JAZF1: variants seen among roughly 807,000 people sequenced by gnomAD.
The protein encoded by JAZF1 is JAZF zinc finger 1.
Under a neutral mutation model 26.4 loss-of-function variants are expected in JAZF1, and 8 were observed. The observed-to-expected ratio is 0.30, with a 90% confidence interval of 0.18 to 0.55. The LOEUF is 0.55. Among genes scored for constraint, JAZF1 ranks in the 20% least tolerant of loss-of-function variants. The pLI, the probability that JAZF1 is intolerant of heterozygous loss-of-function variation, is 0.94. For synonymous variants in JAZF1, 126 were observed against 122.3 expected (o/e 1.03, Z -0.20); for missense variants, 199 against 322.0 (o/e 0.62, Z 2.92).
At chr7:27,901,241 T>G (rs550065630) in intron 2 of JAZF1, among the ~76,000 whole-genome samples, 13 of 152,260 alleles carry the variant, frequency 8.5e-5, no homozygotes, top group Non-Finnish European at 1.3e-4. Context: ...TTACTTTAAT[T>G]TAATATGGTC....
At chr7:28,052,029 A>G (rs544372963) in intron 1 of JAZF1, among the ~76,000 whole-genome samples, 3 of 152,220 alleles carry the variant, frequency 2.0e-5, no homozygotes, top group Non-Finnish European at 4.4e-5. Flanking sequence ...TGATGTTTAA[A>G]GGAAAAAAAA....
chr7:28,024,341 C>A (rs143659513), intron 1 of JAZF1, among the ~76,000 whole-genome samples: 2 of 151,734 alleles, frequency 1.3e-5, no homozygotes, highest in South Asian at 4.2e-4. Flanking sequence ...GAAGAGAGAA[C>A]AGCATATTAA....
At chr7:27,893,752 C>A (rs1232861172) in intron 3 of JAZF1, among the ~76,000 whole-genome samples, 1 of 152,178 alleles carries the variant, frequency 6.6e-6, no homozygotes, top group Non-Finnish European at 1.5e-5. Flanking sequence ...AGCTATTTCT[C>A]TGTTTCTCAG....
At chr7:28,160,579 T>C (rs1028380757) in intron 1 of JAZF1, among the ~76,000 whole-genome samples, 11 of 152,150 alleles carry the variant, frequency 7.2e-5, no homozygotes, top group Non-Finnish European at 1.2e-4. Flanking sequence ...CCTCGCAGCA[T>C]TGTCAGCCAC....
intron 1 of JAZF1, among the ~76,000 whole-genome samples, chr7:28,153,674 C>T (rs1783140579): frequency 6.6e-6 from 1 of 152,184 alleles, no homozygotes; most frequent in Non-Finnish European, 1.5e-5. Flanking sequence ...CCAAGCTAAG[C>T]ATTACCAGTC....
intron 1 of JAZF1, among the ~76,000 whole-genome samples, chr7:28,031,728 C>G (rs1458414642): frequency 6.6e-6 from 1 of 151,872 alleles, no homozygotes; most frequent in Non-Finnish European, 1.5e-5. Context: ...TGGGGCCAGT[C>G]ATGGGGGTTG....
At chr7:27,935,046 G>C (rs912800718) in intron 2 of JAZF1, among the ~76,000 whole-genome samples, 10 of 152,176 alleles carry the variant, frequency 6.6e-5, no homozygotes, top group Admixed American at 5.2e-4. Context: ...CAAAGGATTT[G>C]AATAGTTATT....
At chr7:28,013,655 G>A (rs1182393105) in intron 1 of JAZF1, among the ~76,000 whole-genome samples, 3 of 152,124 alleles carry the variant, frequency 2.0e-5, no homozygotes, top group Non-Finnish European at 4.4e-5. Context: ...ATGACACATA[G>A]TAACGGGCTG....
chr7:28,076,336 G>C (rs1330372493), intron 1 of JAZF1, among the ~76,000 whole-genome samples: 2 of 152,182 alleles, frequency 1.3e-5, no homozygotes, highest in Non-Finnish European at 2.9e-5. Flanking sequence ...TTTGAAGGGA[G>C]CATGAACAGA....
chr7:27,901,995 A>G (rs1229706103), intron 2 of JAZF1, among the ~76,000 whole-genome samples: 1 of 152,186 alleles, frequency 6.6e-6, no homozygotes, highest in Non-Finnish European at 1.5e-5. Context: ...GCAACCTGCA[A>G]TTTTGAGATC....
chr7:28,162,884 T>C (rs1783314264), intron 1 of JAZF1, among the ~76,000 whole-genome samples: 1 of 152,232 alleles, frequency 6.6e-6, no homozygotes, highest in African/African-American at 2.4e-5. Flanking sequence ...TAATCTAATC[T>C]GGTCCTTGGA....
At chr7:27,839,466 G>A (rs988275950) in intron 4 of JAZF1, among the ~76,000 whole-genome samples, 4 of 152,198 alleles carry the variant, frequency 2.6e-5, no homozygotes, top group African/African-American at 9.6e-5. Context: ...TGGATGTTTT[G>A]TATCCCAAGG....
chr7:27,986,420 C>A (rs1486903901), intron 2 of JAZF1, among the ~76,000 whole-genome samples: 1 of 152,106 alleles, frequency 6.6e-6, no homozygotes, highest in Non-Finnish European at 1.5e-5. Context: ...TGTGAAGGAC[C>A]TCTTCAAGGA....
intron 1 of JAZF1, among the ~76,000 whole-genome samples, chr7:28,056,242 G>A (rs1449319829): frequency 6.6e-6 from 1 of 151,744 alleles, no homozygotes; most frequent in Admixed American, 6.6e-5. Flanking sequence ...GCATAAATGA[G>A]CACTAATTAA....
chr7:28,104,378 T>G (rs999787540), intron 1 of JAZF1, among the ~76,000 whole-genome samples: 1 of 152,218 alleles, frequency 6.6e-6, no homozygotes, highest in African/African-American at 2.4e-5. Flanking sequence ...TTGTTCCCAA[T>G]TGTATCCTTT....
chr7:28,042,499 C>A (rs1028241590), intron 1 of JAZF1, among the ~76,000 whole-genome samples: 1 of 152,142 alleles, frequency 6.6e-6, no homozygotes, highest in Admixed American at 6.6e-5. Context: ...AAAGCCAAAG[C>A]AGAAAGCAAA....
chr7:28,158,149 G>GCACACA (rs142020917), intron 1 of JAZF1, among the ~76,000 whole-genome samples: 9 of 131,898 alleles, frequency 6.8e-5, no homozygotes, highest in South Asian at 2.7e-4. Context: ...AAACACGCGC[G>GCACACA]CACACACACA....
chr7:28,108,152 T>G (rs761434601), intron 1 of JAZF1, among the ~76,000 whole-genome samples: 2 of 152,240 alleles, frequency 1.3e-5, no homozygotes, highest in Non-Finnish European at 2.9e-5. Flanking sequence ...TTGTACCCAC[T>G]GAGTCACTCA....
chr7:27,885,872 A>T (rs1184277067), intron 3 of JAZF1, among the ~76,000 whole-genome samples: 2 of 152,206 alleles, frequency 1.3e-5, no homozygotes, highest in Non-Finnish European at 2.9e-5. Flanking sequence ...ATGCACAAGC[A>T]GCCCTCGCCA....
Sources: allele counts gnomAD v4.1 joint callset (sites outside exome capture counted in the v4.1 genomes callset), GRCh38; gene constraint gnomAD v4.1.1; transcripts MANE v1.5; gene names NCBI Gene and HGNC (gene_info 2026-07-23, HGNC 2026-07-21).